The following LSAMP variants were observed in gnomAD, a reference collection of about 807,000 sequenced individuals.
LSAMP encodes limbic system-associated membrane protein.
Under a neutral mutation model 38.6 loss-of-function variants are expected in LSAMP, and 7 were observed. That is an observed-to-expected ratio of 0.18 (90% CI 0.10 to 0.34). LSAMP has a LOEUF of 0.34. Ranked by LOEUF, LSAMP falls within the 10% of genes least tolerant of loss-of-function variation. LSAMP has a pLI of 1.00. For missense variants in LSAMP, 313 were observed against 420.0 expected, an observed-to-expected ratio of 0.75 and a Z score of 2.23; for synonymous variants, 154 against 166.8, an observed-to-expected ratio of 0.92 and a Z score of 0.59.
At chr3:116,104,959 G>T (rs1001961744) in intron 1 of LSAMP, among the ~76,000 whole-genome samples, 1 of 152,146 alleles carries the variant, frequency 6.6e-6, no homozygotes, top group South Asian at 2.1e-4. Context: ...GGAGCACAGC[G>T]GTGGAAGAGA....
chr3:116,338,773 A>C (rs1244592559), intron 1 of LSAMP, among the ~76,000 whole-genome samples: 1 of 152,024 alleles, frequency 6.6e-6, no homozygotes, highest in Non-Finnish European at 1.5e-5. Flanking sequence ...GGAAGCTGAC[A>C]AGGCTCTTTG....
intron 3 of LSAMP, among the ~76,000 whole-genome samples, chr3:115,907,032 T>C (rs1262589552): frequency 3.3e-5 from 5 of 152,178 alleles, no homozygotes; most frequent in Admixed American, 3.3e-4. Context: ...ACTCCCTTTC[T>C]TTTAAAAACT....
Position 115,946,591 on chromosome 3 carries a change from A to G in LSAMP, c.514+72924T>C, listed in dbSNP as rs529760685. Reference sequence around the variant, plus strand: ...ATTTACCAAAATTGGCACAAGAAATACCAGAAATTCTAAATAGCCCAGTAT... The same window carrying G: ...ATTTACCAAAATTGGCACAAGAAATGCCAGAAATTCTAAATAGCCCAGTAT... On this transcript the variant is annotated intron_variant, in intron 3 of 6. Transcript: ENST00000490035. Among the ~76,000 whole-genome samples, 28 of 152,354 alleles carry G rather than the reference A, an allele frequency of 1.8e-4. No individual in the cohort carries two copies. In the East Asian group the frequency reaches 5.4e-3, roughly 29 times the overall value.
At chr3:116,001,791 C>CTCTGATAAAGA (rs1227139441) in intron 3 of LSAMP, among the ~76,000 whole-genome samples, 1 of 152,170 alleles carries the variant, frequency 6.6e-6, no homozygotes, top group East Asian at 1.9e-4. Flanking sequence ...TCCTGCTTCT[C>CTCTGATAAAGA]TCTGATAAAG....
intron 3 of LSAMP, among the ~76,000 whole-genome samples, chr3:115,919,881 A>G (rs1438076848): frequency 6.6e-6 from 1 of 152,190 alleles, no homozygotes; most frequent in Non-Finnish European, 1.5e-5. Flanking sequence ...TGCTAGGATT[A>G]CAGGCGTGAG....
At position 116,222,669 on chromosome 3, in the gene LSAMP, C is replaced by T. The variant is rs2046300559; in HGVS notation, c.156-136113G>A. 4.2e-5 allele frequency among the ~76,000 whole-genome samples: 6 copies of T among 143,016 alleles called. No individual in the cohort carries two copies. The South Asian group carries it at 1.4e-3, about 33-fold the overall frequency. 93.8% of individuals were successfully genotyped at this position (143,016 alleles called of 152,430 possible). On this transcript the variant is annotated intron_variant, in intron 1 of 6. Coordinates refer to ENST00000490035, the MANE Select transcript of LSAMP (RefSeq NM_002338.5). ...CAGGAGTGGGCTCTCTGAAGGAAAT[C>T]AACATCTTCTTTGAGTCTGCTGCTC...
intron 3 of LSAMP, among the ~76,000 whole-genome samples, chr3:115,881,143 T>A (rs149653379): frequency 1.3e-5 from 2 of 152,154 alleles, no homozygotes; most frequent in Non-Finnish European, 2.9e-5. Flanking sequence ...GTTATTAATA[T>A]CATACTTCAA....
intron 1 of LSAMP, among the ~76,000 whole-genome samples, chr3:116,217,331 G>A (rs556765796): frequency 2.6e-5 from 4 of 152,302 alleles, no homozygotes; most frequent in South Asian, 2.1e-4. Flanking sequence ...ACACATTCAC[G>A]TTATAGAAGA....
intron 2 of LSAMP, among the ~76,000 whole-genome samples, chr3:116,049,827 C>T (rs1037243766): frequency 1.2e-4 from 19 of 152,110 alleles, no homozygotes; most frequent in African/African-American, 3.1e-4. Context: ...AAAACAGACA[C>T]GCAAGATTGA....
chr3:115,935,544 A>G (rs1937671396), intron 3 of LSAMP, among the ~76,000 whole-genome samples: 1 of 152,196 alleles, frequency 6.6e-6, no homozygotes, highest in Non-Finnish European at 1.5e-5. Context: ...CTACTGAGTT[A>G]TCTCATCCTG....
chr3:115,811,960 A>G (rs755361275), intron 6 of LSAMP, among the ~76,000 whole-genome samples: 19 of 152,198 alleles, frequency 1.2e-4, no homozygotes, highest in Admixed American at 4.6e-4. Flanking sequence ...TTACCCAGGT[A>G]TCTGGCTCCA....
chr3:116,206,286 TTCTC>T (rs1045666846), intron 1 of LSAMP, among the ~76,000 whole-genome samples: 3 of 149,776 alleles, frequency 2.0e-5, no homozygotes, highest in East Asian at 2.0e-4. Flanking sequence ...TATTTGATTC[TTCTC>T]TCTTTTTTTC....
chr3:116,367,515 C>CT (rs2048370329), intron 1 of LSAMP, among the ~76,000 whole-genome samples: 1 of 118,336 alleles, frequency 8.5e-6, no homozygotes, highest in African/African-American at 3.6e-5. Context: ...TTTTTTTGTC[C>CT]TTTTTTGAGA....
intron 1 of LSAMP, among the ~76,000 whole-genome samples, chr3:116,393,722 T>C (rs1050830240): frequency 6.6e-6 from 1 of 152,216 alleles, no homozygotes; most frequent in Non-Finnish European, 1.5e-5. Flanking sequence ...GGATGTCCAA[T>C]CTATGATATC....
At position 115,803,706 on chromosome 3, in the gene LSAMP, A is replaced by G. The variant is rs745360285; in HGVS notation, c.*6611T>C. ...TCTCTCCATCTATTTGCTTTATTTC[A>G]TAGCCTATAATTCAAGCTTTGGGAA... On this transcript the variant is annotated 3_prime_UTR_variant, in exon 7 of 7. Transcript: ENST00000490035. 1 of 152,066 alleles carries G rather than the reference A, an allele frequency of 6.6e-6. No homozygotes were observed. The highest frequency in any genetic ancestry group is 1.5e-5 in the Non-Finnish European group (1 of 68,010). The allele number at this position is 152,066 out of a possible 1,614,324, so 9.4% of individuals were successfully genotyped here. A position where few individuals can be genotyped will look rare whatever the true frequency, so the allele number is the denominator to read the frequency against.
intron 1 of LSAMP, among the ~76,000 whole-genome samples, chr3:116,435,086 C>T: frequency 6.6e-6 from 1 of 152,148 alleles, no homozygotes; most frequent in Non-Finnish European, 1.5e-5. Context: ...CTTTTCCCCA[C>T]AGAGCTAGAC....
At chr3:116,391,746 G>A (rs1576186572) in intron 1 of LSAMP, among the ~76,000 whole-genome samples, 1 of 152,212 alleles carries the variant, frequency 6.6e-6, no homozygotes, top group African/African-American at 2.4e-5. Context: ...TGAGCCCGGG[G>A]TGAGAAATGG....
intron 1 of LSAMP, among the ~76,000 whole-genome samples, chr3:116,414,625 T>G (rs541885411): frequency 6.6e-6 from 1 of 152,118 alleles, no homozygotes; most frequent in Non-Finnish European, 1.5e-5. Flanking sequence ...ACTAGACTCT[T>G]TAGTGTATCT....
intron 2 of LSAMP, among the ~76,000 whole-genome samples, chr3:116,031,235 CA>C (rs1177541979): frequency 2.6e-5 from 4 of 152,056 alleles, no homozygotes; most frequent in African/African-American, 9.7e-5. Context: ...TCATACAAAA[CA>C]AAATTTACTG....
Sources: gnomAD v4.1 joint callset for allele counts (sites outside exome capture counted in the v4.1 genomes callset) on GRCh38, gnomAD v4.1.1 for gene constraint, MANE v1.5 for transcripts, NCBI Gene and HGNC (gene_info 2026-07-23, HGNC 2026-07-21) for gene names.